The following PITPNC1 variants were observed in gnomAD, a reference collection of about 807,000 sequenced individuals.
PITPNC1 encodes cytoplasmic phosphatidylinositol transfer protein 1.
A neutral mutation model predicts 44.7 loss-of-function variants in PITPNC1; 18 were observed. The observed-to-expected ratio is 0.40, with a 90% confidence interval of 0.28 to 0.60. The LOEUF (loss-of-function observed/expected upper bound fraction) is 0.60, where lower values mean the gene tolerates loss of function less well. PITPNC1 is among the 20% of genes least tolerant of loss of function. PITPNC1 has a pLI of 0.39. For synonymous variants in PITPNC1, 141 were observed against 149.6 expected (o/e 0.94, Z 0.42); for missense variants, 290 against 418.4 (o/e 0.69, Z 2.68).
At chr17:67,580,284 A>G (rs913373745) in intron 5 of PITPNC1, among the ~76,000 whole-genome samples, 2 of 152,222 alleles carry the variant, frequency 1.3e-5, no homozygotes, top group Non-Finnish European at 2.9e-5. Flanking sequence ...ACTCTCATGA[A>G]AAGGATAATA....
rs2042604241 is a variant in PITPNC1, at chr17:67,676,406, C to T, written c.682+864C>T. ...AAATGAAAACAAGGTTAGCTTCATC[C>T]CATGATGGATGGACCATCCTTCCCA... is the stretch of plus-strand genomic sequence containing the variant. On this transcript the variant is annotated intron_variant, in intron 8 of 8. Transcript: ENST00000581322. This position sits in a 1 kb window ranked among gnomAD's most constrained non-coding sequence, Gnocchi z 4.0. 6.6e-6 allele frequency among the ~76,000 whole-genome samples: 1 copy of T among 152,018 alleles called. No homozygotes were observed. The highest frequency in any genetic ancestry group is 6.6e-5 in the Admixed American group (1 of 15,250).
chr17:67,504,856 T>A lies in PITPNC1; in HGVS notation c.49-27946T>A, dbSNP rs2040080822. On this transcript the variant is annotated intron_variant, in intron 1 of 8. Transcript: ENST00000581322. ...ATTGATGCGAAATCTTTTTCTTTTTTAATATATGCATTTACAGCTATACAC... is the reference window on the plus strand; with the variant it reads ...ATTGATGCGAAATCTTTTTCTTTTTAAATATATGCATTTACAGCTATACAC... Among the ~76,000 whole-genome samples, 3 of 152,342 alleles carry A rather than the reference T, an allele frequency of 2.0e-5. No individual in the cohort carries two copies. The South Asian group carries it at 6.2e-4, about 32-fold the overall frequency.
intron 4 of PITPNC1, 54 bp downstream of exon 4, chr17:67,553,671 TG>T: frequency 1.4e-6 from 1 of 697,326 alleles, no homozygotes; most frequent in Non-Finnish European, 2.4e-6. Context: ...GTGGAGTAAT[TG>T]GAATGTCTCT....
chr17:67,491,259 C>T (rs1040635995), intron 1 of PITPNC1, among the ~76,000 whole-genome samples: 3 of 152,356 alleles, frequency 2.0e-5, no homozygotes, highest in East Asian at 1.9e-4. Flanking sequence ...CTGGGCAGCG[C>T]GTTCCCAGGA....
At chr17:67,657,696 T>C (rs555339789) in intron 6 of PITPNC1, among the ~76,000 whole-genome samples, 1 of 152,332 alleles carries the variant, frequency 6.6e-6, no homozygotes, top group South Asian at 2.1e-4. Flanking sequence ...CTATCCTTTT[T>C]CCAAAACTTT....
intron 1 of PITPNC1, among the ~76,000 whole-genome samples, chr17:67,507,077 C>T (rs1027449013): frequency 5.9e-5 from 9 of 152,176 alleles, no homozygotes; most frequent in African/African-American, 9.7e-5. Context: ...GGAATGGACA[C>T]ATTCATCCCA....
chr17:67,434,285 T>G lies in PITPNC1; in HGVS notation c.48+56083T>G, dbSNP rs1259895618. Among the ~76,000 whole-genome samples the G allele has an allele frequency of 2.0e-5, 3 of 152,194 alleles. No individual in the cohort carries two copies. In the East Asian group the frequency reaches 5.8e-4, roughly 29 times the overall value. ...CCACACAAGATTACCAGAAACTACT[T>G]TGCATCCCATTGAATGCAATCTGCT... On this transcript the variant is annotated intron_variant, in intron 1 of 8. Transcript: ENST00000581322.
chr17:67,535,336 G>C, intron 2 of PITPNC1, among the ~76,000 whole-genome samples: 1 of 152,276 alleles, frequency 6.6e-6, no homozygotes, highest in Middle Eastern at 3.4e-3. Flanking sequence ...GTTTCTCCTC[G>C]GGGATCACCT....
At chr17:67,620,608 T>G (rs756607370) in intron 5 of PITPNC1, among the ~76,000 whole-genome samples, 6 of 152,138 alleles carry the variant, frequency 3.9e-5, no homozygotes, top group Non-Finnish European at 8.8e-5. Flanking sequence ...TCAGTTTGCT[T>G]TACAACTCCC....
intron 2 of PITPNC1, among the ~76,000 whole-genome samples, chr17:67,545,318 A>G (rs577397444): frequency 6.6e-6 from 1 of 151,286 alleles, no homozygotes; most frequent in South Asian, 2.1e-4. Flanking sequence ...CTTCTAAAAT[A>G]TGGGTCTCCC....
At chr17:67,378,278 C>T (rs2037901730) in intron 1 of PITPNC1, 76 bp downstream of exon 1, 3 of 1,001,950 alleles carry the variant, frequency 3.0e-6, no homozygotes, top group Non-Finnish European at 4.1e-6. Flanking sequence ...CCGGCGAGCC[C>T]CGGGCGAGCG....
intron 8 of PITPNC1, among the ~76,000 whole-genome samples, chr17:67,680,600 C>CAAA: frequency 7.5e-6 from 1 of 132,476 alleles, no homozygotes; most frequent in Non-Finnish European, 1.6e-5. Context: ...AACTCTGTCT[C>CAAA]AAAAAAAAAA....
rs752949252 is a variant in PITPNC1, at chr17:67,439,075, C to T, written c.48+60873C>T. Among the ~76,000 whole-genome samples, 22 of 152,156 alleles carry T rather than the reference C, an allele frequency of 1.4e-4. 1 individual carries two copies. Among genetic ancestry groups the T allele is most frequent in the Non-Finnish European group, 2.8e-4 (19 of 68,030 alleles). Reference sequence around the variant, plus strand: ...TGGGCCACAAGTTTCTGGTTGGTTTCGGACACACAGTAGGTGCTGAATTAA... The same window carrying T: ...TGGGCCACAAGTTTCTGGTTGGTTTTGGACACACAGTAGGTGCTGAATTAA... On this transcript the variant is annotated intron_variant, in intron 1 of 8. Transcript: ENST00000581322.
chr17:67,423,176 G>C (rs1192210354), intron 1 of PITPNC1, among the ~76,000 whole-genome samples: 3 of 152,138 alleles, frequency 2.0e-5, no homozygotes, highest in Admixed American at 1.3e-4. Context: ...GCTTTTTGTG[G>C]CAGATTGATT....
rs370493102 is a variant in PITPNC1 at position 67,597,532 on chromosome 17, C to T, written c.366+19275C>T. ...TCATGCTGCTGTACTCCAGCCTAGG[C>T]GACAGAGTGATTGAGACTCCATCTC... On this transcript the variant is annotated intron_variant, in intron 5 of 8. Transcript: ENST00000581322. The surrounding 1 kb of genome is among the most constrained non-coding windows in gnomAD (Gnocchi z 4.0). Among the ~76,000 whole-genome samples, 86 of 151,832 alleles carry T rather than the reference C, an allele frequency of 5.7e-4. 1 individual carries two copies. Among genetic ancestry groups the T allele is most frequent in the Middle Eastern group, 3.4e-3 (1 of 292 alleles).
At chr17:67,682,072 G>A (rs988410295) in intron 8 of PITPNC1, among the ~76,000 whole-genome samples, 33 of 152,076 alleles carry the variant, frequency 2.2e-4, no homozygotes, top group African/African-American at 7.7e-4. Context: ...ATGGTGACAC[G>A]TGCCTGTAAT....
chr17:67,428,879 C>T (rs2038813203), intron 1 of PITPNC1, among the ~76,000 whole-genome samples: 1 of 122,442 alleles, frequency 8.2e-6, no homozygotes, highest in Non-Finnish European at 1.6e-5. Context: ...CTCGCTCTGT[C>T]ACCCAGGCTA....
rs530662814 is a variant in PITPNC1 at position 67,588,658 on chromosome 17, G to A, written c.366+10401G>A. On this transcript the variant is annotated intron_variant, in intron 5 of 8. Transcript: ENST00000581322. ...CTGAGGTCTCACACATCCAGTGGGA[G>A]TCTCAGAATATATCCCCCTCGGCCA... is the stretch of plus-strand genomic sequence containing the variant. 6.6e-5 allele frequency among the ~76,000 whole-genome samples: 10 copies of A among 152,310 alleles called. No homozygotes were observed. In the South Asian group the frequency reaches 2.1e-3, roughly 32 times the overall value.
chr17:67,398,726 TTTC>T (rs1372419943), intron 1 of PITPNC1, among the ~76,000 whole-genome samples: 1 of 152,052 alleles, frequency 6.6e-6, no homozygotes, highest in East Asian at 1.9e-4. Context: ...TGCTTTGGAT[TTTC>T]TTCTCAATCC....
Sources: allele counts gnomAD v4.1 joint callset (sites outside exome capture counted in the v4.1 genomes callset), GRCh38; gene constraint gnomAD v4.1.1; non-coding constraint Gnocchi (gnomAD v3.1); transcripts MANE v1.5; gene names NCBI Gene and HGNC (gene_info 2026-07-23, HGNC 2026-07-21).